HGH1: variants seen among roughly 807,000 people sequenced by gnomAD.
HGH1 encodes co-chaperone protein HGH1 homolog.
HGH1 carries 31 observed loss-of-function variants against 31.7 expected under a neutral mutation model. The ratio of observed to expected loss-of-function variants is 0.98; its 90% CI spans 0.73 to 1.32. HGH1 has a LOEUF of 1.32. HGH1 is among the 40% of genes most tolerant of loss of function. The pLI, the probability that HGH1 is intolerant of heterozygous loss-of-function variation, is 0.00. For missense variants in HGH1, 618 were observed against 594.4 expected, an observed-to-expected ratio of 1.04 and a Z score of -0.41; for synonymous variants, 284 against 293.6, an observed-to-expected ratio of 0.97 and a Z score of 0.34.
rs960923698 is a variant in HGH1, at chr8:144,139,403, G to A, written c.1024G>A (p.Glu342Lys). 1.4e-4 allele frequency: 220 copies of A among 1,612,938 alleles called. 1 individual carries two copies. The East Asian group carries it at 4.3e-3, about 32-fold the overall frequency. ...EKLIQVLIGD[E>K]PERGMENLLE... is the part of the protein sequence containing the mutation. Reference sequence around the variant, plus strand: ...CGTCTGGCAGGTGCTTATTGGGGACGAGCCTGAACGTGGCATGGAAAACCT... The same window carrying A: ...CGTCTGGCAGGTGCTTATTGGGGACAAGCCTGAACGTGGCATGGAAAACCT... Residue 342 changes from glutamate (E) to lysine (K), a missense_variant, in exon 6 of 6, where the codon GAG becomes AAG. By Grantham distance (56) the Glu-to-Lys change is moderately conservative. Coordinates refer to ENST00000347708, the MANE Select transcript of HGH1 (RefSeq NM_016458.4).
rs987494411 is a variant in HGH1, at chr8:144,138,294, G to A, written c.459G>A (p.Ser153=). ...TGGCGGCCGCGGAGCCGGCAGACTC[G>A]GGCCTGGAGCGGCTGGTGCGCGCGC... ...AALAAAEPAD[S]GLERLVRALC... is the part of the protein sequence containing the mutation. Residue 153 remains serine, a synonymous_variant, in exon 1 of 6, where the codon TCG becomes TCA. Transcript: ENST00000347708. 74 of 1,507,800 alleles carry A rather than the reference G, an allele frequency of 4.9e-5. 1 individual carries two copies. The African/African-American group carries it at 1.0e-3, about 21-fold the overall frequency. The allele number at this position is 1,507,800 out of a possible 1,614,324, so 93.4% of individuals were successfully genotyped here.
chr8:144,139,498 GT>G lies in HGH1; in HGVS notation c.1121del (p.Leu374TrpfsTer64). ...AGCTGGATTGCAGGGAGCAGGAGCA[GT>G]TGGAGCGGGAGCTGGCCCCAGAGCC... ...QQLDCREQEQLERELAPEPWV... is the reference protein window; with the variant it reads ...QQLDCREQEQXERELAPEPWV... On this transcript the variant is annotated frameshift_variant, in exon 6 of 6. Coordinates refer to ENST00000347708, the MANE Select transcript of HGH1 (RefSeq NM_016458.4). LOFTEE classifies it low-confidence loss of function (END_TRUNC). 6.4e-7 allele frequency: 1 copy of G among 1,567,514 alleles called. No homozygotes were observed.
Position 144,140,548 on chromosome 8 carries a change from G to C in HGH1, c.*996G>C, listed in dbSNP as rs959919839. ...CTCACTGATGGGCCCTCCCAGGCCCGTCAAGCCCTGGTGAAGGAGCTTAGC... is the reference window on the plus strand; with the variant it reads ...CTCACTGATGGGCCCTCCCAGGCCCCTCAAGCCCTGGTGAAGGAGCTTAGC... On this transcript the variant is annotated 3_prime_UTR_variant, in exon 6 of 6. Transcript: ENST00000347708. 1 of 152,392 alleles carries C rather than the reference G, an allele frequency of 6.6e-6. No individual in the cohort carries two copies. The highest frequency in any genetic ancestry group is 6.5e-5 in the Admixed American group (1 of 15,282). 9.4% of individuals were successfully genotyped at this position (152,392 alleles called of 1,614,324 possible).
In HGH1 at chr8:144,139,235, C is replaced by T; in HGVS notation, c.932C>T (p.Ala311Val). 1 of 1,613,988 alleles carries T rather than the reference C, an allele frequency of 6.2e-7. No individual in the cohort carries two copies. The highest frequency in any genetic ancestry group is 8.5e-7 in the Non-Finnish European group (1 of 1,179,856). ...CGGCAGCAGGTGCGGGACCAGGGAGCCTACCTGATCCTTCGAGAGCTGCAC... is the reference window on the plus strand; with the variant it reads ...CGGCAGCAGGTGCGGGACCAGGGAGTCTACCTGATCCTTCGAGAGCTGCAC... ...PGRQQVRDQG[A>V]YLILRELHSW... Residue 311 changes from alanine to valine, a missense_variant, in exon 5 of 6, where the codon GCC becomes GTC. Transcript: ENST00000347708.
Position 144,139,617 on chromosome 8 carries a change from C to G in HGH1, c.*65C>G. The G allele has an allele frequency of 1.2e-5, 19 of 1,541,628 alleles. No homozygotes were observed. The highest frequency in any genetic ancestry group is 1.6e-5 in the Non-Finnish European group (18 of 1,143,052). ...CCAGGCTTTCTCAGACCAGGCCTTC[C>G]TGCAGCTGTCTGCAGGCCCCCTGGG... is the stretch of plus-strand genomic sequence containing the variant. On this transcript the variant is annotated 3_prime_UTR_variant, in exon 6 of 6. Transcript: ENST00000347708.
rs1200767043 is a variant in HGH1 at position 144,138,032 on chromosome 8, A to G, written c.197A>G (p.Gln66Arg). Reference sequence around the variant, plus strand: ...TTGGCGGGGCAGGCGGCGCTGCTGCAGGCGCTGATGGAGCTGGCGCCGGCC... The same window carrying G: ...TTGGCGGGGCAGGCGGCGCTGCTGCGGGCGCTGATGGAGCTGGCGCCGGCC... ...ALLAGQAALL[Q>R]ALMELAPASA... The change falls in exon 1 of 6, where the codon CAG becomes CGG. Residue 66 changes from glutamine (Q) to arginine (R), a missense_variant. Transcript: ENST00000347708. 4.6e-6 allele frequency: 6 copies of G among 1,308,312 alleles called. No individual in the cohort carries two copies. The African/African-American group carries it at 7.8e-5, about 17-fold the overall frequency. 81.0% of individuals were successfully genotyped at this position (1,308,312 alleles called of 1,614,324 possible).
rs1458410199 is a variant in HGH1, at chr8:144,138,113, G to A, written c.278G>A (p.Gly93Asp). ...RALVNLAADPGLHETLLAADP... is the reference protein window; with the variant it reads ...RALVNLAADPDLHETLLAADP... ...CTCGTGAACTTGGCCGCCGACCCCGGCCTGCACGAGACATTGCTGGCGGCC... is the reference window on the plus strand; with the variant it reads ...CTCGTGAACTTGGCCGCCGACCCCGACCTGCACGAGACATTGCTGGCGGCC... The change falls in exon 1 of 6, where the codon GGC becomes GAC. Residue 93 changes from glycine (G) to aspartate (D), a missense_variant. By Grantham distance (94) the Gly-to-Asp change is moderately conservative. Coordinates refer to ENST00000347708, the MANE Select transcript of HGH1 (RefSeq NM_016458.4). The A allele has an allele frequency of 3.0e-6, 4 of 1,331,420 alleles. No homozygotes were observed. The highest frequency in any genetic ancestry group is 3.3e-5 in the Admixed American group (1 of 30,238). The allele number at this position is 1,331,420 out of a possible 1,614,324, so 82.5% of individuals were successfully genotyped here.
chr8:144,139,196 C>G lies in HGH1; in HGVS notation c.893C>G (p.Ala298Gly). The G allele has an allele frequency of 6.2e-7, 1 of 1,613,996 alleles. No individual in the cohort carries two copies. The highest frequency in any genetic ancestry group is 8.5e-7 in the Non-Finnish European group (1 of 1,179,866). Reference protein sequence around the residue: ...MLVEAIMLLTATAPGRQQVRD... With the variant: ...MLVEAIMLLTGTAPGRQQVRD... ...CCTCTTCCACCTCCTCAGCTGACAG[C>G]CACAGCACCAGGTCGGCAGCAGGTG... Residue 298 changes from alanine (A) to glycine (G), a missense_variant, in exon 5 of 6, where the codon GCC becomes GGC. Ala to Gly is a moderately conservative substitution (Grantham distance 60, BLOSUM62 0). Transcript: ENST00000347708.
rs960850132 is a variant in HGH1 at position 144,139,172 on chromosome 8, C to T, written c.886-17C>T. On this transcript the variant is annotated splice_polypyrimidine_tract_variant and intron_variant, in intron 4 of 5. Transcript: ENST00000347708. ...ATGAGCATGCTGACATCTGGGTAAC[C>T]TCTTCCACCTCCTCAGCTGACAGCC... The T allele has an allele frequency of 9.9e-5, 160 of 1,613,884 alleles. No individual in the cohort carries two copies. Among genetic ancestry groups the T allele is most frequent in the Non-Finnish European group, 4.0e-5 (47 of 1,179,878 alleles).
rs2130180746 is a variant in HGH1, at chr8:144,139,295, G to C, written c.992G>C (p.Cys331Ser). The change falls in exon 5 of 6, where the codon TGT (cysteine) becomes TCT (serine). Residue 331 changes from cysteine (C) to serine (S), a missense_variant. Physicochemically the swap from Cys to Ser is moderately radical, Grantham distance 112. Transcript: ENST00000347708. The part of the protein sequence containing the change: ...WEPEPDVRTA[C>S]EKLIQVLIGD... ...CCGGAGCCCGACGTGCGGACGGCTT[G>C]TGAGAAGCTCATCCAGGTTGGTGCA... The C allele has an allele frequency of 6.2e-7, 1 of 1,613,992 alleles. No homozygotes were observed. The highest frequency in any genetic ancestry group is 2.2e-5 in the East Asian group (1 of 44,882).
rs1815132031 is a variant in HGH1, at chr8:144,138,581, C to T, written c.668C>T (p.Thr223Met). 6.2e-7 allele frequency: 1 copy of T among 1,612,950 alleles called. No homozygotes were observed. Among genetic ancestry groups the T allele is most frequent in the Admixed American group, 1.7e-5 (1 of 59,900 alleles). Residue 223 changes from threonine to methionine, a missense_variant, in exon 2 of 6, where the codon ACG becomes ATG. Coordinates refer to ENST00000347708, the MANE Select transcript of HGH1 (RefSeq NM_016458.4). ...SSVRRGGVVG[T>M]LRNCCFEHRH... Reference sequence around the variant, plus strand: ...GTACGCAGGGGCGGGGTGGTGGGGACGCTGCGGAATTGCTGCTTCGAGCAC... The same window carrying T: ...GTACGCAGGGGCGGGGTGGTGGGGATGCTGCGGAATTGCTGCTTCGAGCAC...
In HGH1 at chr8:144,139,726, G is replaced by T; in HGVS notation, c.*174G>T. 2.2e-6 allele frequency: 2 copies of T among 905,756 alleles called. No individual in the cohort carries two copies. The highest frequency in any genetic ancestry group is 3.3e-6 in the Non-Finnish European group (2 of 610,960). The allele number at this position is 905,756 out of a possible 1,614,324, so 56.1% of individuals were successfully genotyped here. Reference sequence around the variant, plus strand: ...AGGATTGGAGGCACTTTCCAGCCCTGTGCAGTGTTGCTACCAGCAAGAATG... The same window carrying T: ...AGGATTGGAGGCACTTTCCAGCCCTTTGCAGTGTTGCTACCAGCAAGAATG... On this transcript the variant is annotated 3_prime_UTR_variant, in exon 6 of 6. Transcript: ENST00000347708.
chr8:144,137,809 T>G lies in HGH1; in HGVS notation c.-27T>G. On this transcript the variant is annotated 5_prime_UTR_variant, in exon 1 of 6. Coordinates refer to ENST00000347708, the MANE Select transcript of HGH1 (RefSeq NM_016458.4). ...CCCCTAAGCGGACCGCTGGCACCGG[T>G]CGGGTGGCAGCAGAGTGTCGCTCGA... 8.1e-7 allele frequency: 1 copy of G among 1,239,946 alleles called. No individual in the cohort carries two copies. Among genetic ancestry groups the G allele is most frequent in the Non-Finnish European group, 1.0e-6 (1 of 991,004 alleles). The allele number at this position is 1,239,946 out of a possible 1,614,324, so 76.8% of individuals were successfully genotyped here.
rs1483818587 is a variant in HGH1 at position 144,137,818 on chromosome 8, A to G, written c.-18A>G. ...GGACCGCTGGCACCGGTCGGGTGGCAGCAGAGTGTCGCTCGACATGGGGGA... is the reference window on the plus strand; with the variant it reads ...GGACCGCTGGCACCGGTCGGGTGGCGGCAGAGTGTCGCTCGACATGGGGGA... On this transcript the variant is annotated 5_prime_UTR_variant, in exon 1 of 6. Transcript: ENST00000347708. The G allele has an allele frequency of 1.6e-6, 2 of 1,249,842 alleles. No homozygotes were observed. Among genetic ancestry groups the G allele is most frequent in the East Asian group, 3.1e-5 (1 of 31,816 alleles). The allele number at this position is 1,249,842 out of a possible 1,614,324, so 77.4% of individuals were successfully genotyped here.
Position 144,139,484 on chromosome 8 carries a change from A to G in HGH1, c.1105A>G (p.Arg369Gly), listed in dbSNP as rs2130181175. ...VEQQLQQLDC[R>G]EQEQLERELA... ...GCAGCAGCTGCAGCAGCTGGATTGCAGGGAGCAGGAGCAGTTGGAGCGGGA... is the reference window on the plus strand; with the variant it reads ...GCAGCAGCTGCAGCAGCTGGATTGCGGGGAGCAGGAGCAGTTGGAGCGGGA... Residue 369 changes from arginine (R) to glycine (G), a missense_variant, in exon 6 of 6, where the codon AGG becomes GGG. Physicochemically the swap from Arg to Gly is moderately radical, Grantham distance 125. Coordinates refer to ENST00000347708, the MANE Select transcript of HGH1 (RefSeq NM_016458.4). 1 of 1,574,020 alleles carries G rather than the reference A, an allele frequency of 6.4e-7. No individual in the cohort carries two copies. Among genetic ancestry groups the G allele is most frequent in the Admixed American group, 1.9e-5 (1 of 53,140 alleles).
rs1479040548 is a variant in HGH1 at position 144,137,957 on chromosome 8, C to T, written c.122C>T (p.Ala41Val). 43 of 1,329,474 alleles carry T rather than the reference C, an allele frequency of 3.2e-5. No individual in the cohort carries two copies. Among genetic ancestry groups the T allele is most frequent in the Non-Finnish European group, 3.9e-5 (41 of 1,043,078 alleles). 82.4% of individuals were successfully genotyped at this position (1,329,474 alleles called of 1,614,324 possible). The change falls in exon 1 of 6, where the codon GCG (alanine) becomes GTG (valine). Residue 41 changes from alanine (A) to valine (V), a missense_variant. Coordinates refer to ENST00000347708, the MANE Select transcript of HGH1 (RefSeq NM_016458.4). Reference protein sequence around the residue: ...PGARADLQAAAVRHVLALTGC... With the variant: ...PGARADLQAAVVRHVLALTGC... ...GCGCGGGCGGACCTGCAGGCGGCGG[C>T]GGTGCGGCACGTGCTGGCGCTGACT...
At chr8:144,139,127 C>G in intron 4 of HGH1, 27 bp downstream of exon 4, 1 of 1,614,002 alleles carries the variant, frequency 6.2e-7, no homozygotes, top group Non-Finnish European at 8.5e-7. Flanking sequence ...CTGCAATAAG[C>G]ACCACCCCAA....
At position 144,138,284 on chromosome 8, in the gene HGH1, C is replaced by A; in HGVS notation, c.449C>A (p.Pro150Gln). The A allele has an allele frequency of 2.0e-6, 3 of 1,489,658 alleles. 1 individual carries two copies. In the Admixed American group the frequency reaches 7.1e-5, roughly 35 times the overall value. 92.3% of individuals were successfully genotyped at this position (1,489,658 alleles called of 1,614,324 possible). A position where few individuals can be genotyped will look rare whatever the true frequency, so the allele number is the denominator to read the frequency against. The change falls in exon 1 of 6, where the codon CCG becomes CAG. Residue 150 changes from proline to glutamine, a missense_variant. Coordinates refer to ENST00000347708, the MANE Select transcript of HGH1 (RefSeq NM_016458.4). Reference protein sequence around the residue: ...ALMAALAAAEPADSGLERLVR... With the variant: ...ALMAALAAAEQADSGLERLVR... ...ATGGCGGCGCTGGCGGCCGCGGAGC[C>A]GGCAGACTCGGGCCTGGAGCGGCTG... is the stretch of plus-strand genomic sequence containing the variant.
In HGH1 at chr8:144,139,874, A is replaced by G; in HGVS notation, c.*322A>G. On this transcript the variant is annotated 3_prime_UTR_variant, in exon 6 of 6. Coordinates refer to ENST00000347708, the MANE Select transcript of HGH1 (RefSeq NM_016458.4). The stretch of plus-strand genomic sequence containing the variant: ...GACTCTTCCTGGGCACGGCGTGGGG[A>G]CTGGACAGAAAACCACTGCAAGCCC... 2.0e-6 allele frequency: 1 copy of G among 497,042 alleles called. No homozygotes were observed. The highest frequency in any genetic ancestry group is 3.7e-5 in the East Asian group (1 of 26,670). The allele number at this position is 497,042 out of a possible 1,614,324, so 30.8% of individuals were successfully genotyped here. A position where few individuals can be genotyped will look rare whatever the true frequency, so the allele number is the denominator to read the frequency against.
Sources: gnomAD v4.1 joint callset for allele counts on GRCh38, gnomAD v4.1.1 for gene constraint, MANE v1.5 for transcripts, NCBI Gene and HGNC (gene_info 2026-07-23, HGNC 2026-07-21) for gene names.